SOCS7: variants seen among roughly 807,000 people sequenced by gnomAD.
SOCS7 encodes the protein suppressor of cytokine signaling 7.
Under a neutral mutation model 58.9 loss-of-function variants are expected in SOCS7, and 18 were observed. The ratio of observed to expected loss-of-function variants is 0.31; its 90% CI spans 0.21 to 0.45. SOCS7 has a LOEUF of 0.45. Among genes scored for constraint, SOCS7 ranks in the 20% least tolerant of loss-of-function variants. The pLI, the probability that SOCS7 is intolerant of heterozygous loss-of-function variation, is 1.00. For missense variants in SOCS7, 667 were observed against 837.3 expected (o/e 0.80, Z 2.51); for synonymous variants, 388 against 364.3 (o/e 1.06, Z -0.74).
rs200305110 is a variant in SOCS7 at position 38,366,354 on chromosome 17, C to G, written c.1320C>G (p.Leu440=). 1.8e-5 allele frequency: 29 copies of G among 1,614,206 alleles called. No individual in the cohort carries two copies. The highest frequency in any genetic ancestry group is 5.1e-6 in the Non-Finnish European group (6 of 1,180,038). ...TGCACAGCCAACCCCCACAGCACCT[C>G]CAGTGTCCCCTCTACCGGCCTGACT... ...ESLHSQPPQH[L]QCPLYRPDSS... is the part of the protein sequence containing the mutation. The change falls in exon 5 of 10, where the codon CTC becomes CTG. Residue 440 remains leucine (L), a synonymous_variant. Transcript: ENST00000612932.
chr17:38,362,278 T>G (rs2037730202), intron 2 of SOCS7, among the ~76,000 whole-genome samples: 1 of 152,234 alleles, frequency 6.6e-6, no homozygotes, highest in Non-Finnish European at 1.5e-5. Flanking sequence ...TTAGACTTCT[T>G]TATTGTATCT....
intron 7 of SOCS7, among the ~76,000 whole-genome samples, chr17:38,392,035 G>A (rs1238463481): frequency 2.0e-5 from 3 of 152,154 alleles, no homozygotes; most frequent in Non-Finnish European, 2.9e-5. Flanking sequence ...AGTTACTGAC[G>A]ATTAATGTTC....
intron 7 of SOCS7, among the ~76,000 whole-genome samples, chr17:38,382,077 C>G (rs2144369349): frequency 6.6e-6 from 1 of 151,778 alleles, no homozygotes; most frequent in East Asian, 1.9e-4. Flanking sequence ...CAAACATACC[C>G]TTTTTAATTG....
chr17:38,367,805 T>C (rs1472079299), intron 5 of SOCS7, 77 bp from the exon 6 acceptor site: 2 of 1,351,392 alleles, frequency 1.5e-6, no homozygotes, highest in Non-Finnish European at 2.1e-6. Context: ...GGTTCTCCCA[T>C]GTTAAGATAG....
At chr17:38,381,081 A>C (rs2037994890) in intron 7 of SOCS7, among the ~76,000 whole-genome samples, 1 of 152,036 alleles carries the variant, frequency 6.6e-6, no homozygotes, top group Admixed American at 6.6e-5. Context: ...ATCAGATTGA[A>C]AGTTTGCTGG....
chr17:38,386,649 T>TA (rs1424763787), intron 7 of SOCS7, among the ~76,000 whole-genome samples: 1 of 152,174 alleles, frequency 6.6e-6, no homozygotes, highest in Admixed American at 6.5e-5. Flanking sequence ...TGGAATAGTT[T>TA]TATAGAGACA....
intron 7 of SOCS7, among the ~76,000 whole-genome samples, chr17:38,392,079 T>G (rs1414986853): frequency 6.6e-6 from 1 of 152,188 alleles, no homozygotes; most frequent in African/African-American, 2.4e-5. Flanking sequence ...CCCAGTTGGG[T>G]CTTATCCTGG....
At chr17:38,394,754 T>G (rs1023512305) in intron 7 of SOCS7, among the ~76,000 whole-genome samples, 2 of 152,190 alleles carry the variant, frequency 1.3e-5, no homozygotes, top group African/African-American at 4.8e-5. Flanking sequence ...TCAGCTGTTA[T>G]GAGTGATGCT....
intron 5 of SOCS7, 138 bp downstream of exon 5, chr17:38,366,555 C>T: frequency 9.6e-7 from 1 of 1,044,932 alleles, no homozygotes; most frequent in South Asian, 1.5e-5. Context: ...GGTGTGGTGG[C>T]ATAATCATAG....
intron 7 of SOCS7, among the ~76,000 whole-genome samples, chr17:38,387,609 T>G (rs1249407685): frequency 6.4e-5 from 8 of 125,056 alleles, no homozygotes; most frequent in African/African-American, 2.5e-4. Context: ...ACACAATATA[T>G]TGTATATTAT....
chr17:38,379,091 G>A (rs41482244), intron 7 of SOCS7, among the ~76,000 whole-genome samples: 7,268 of 150,498 alleles, frequency 0.048, 198 homozygotes, highest in Middle Eastern at 0.21. Flanking sequence ...CTGGGAGGCA[G>A]AGGCTGCAAT....
intron 6 of SOCS7, among the ~76,000 whole-genome samples, chr17:38,375,349 C>A (rs923844926): frequency 6.6e-6 from 1 of 151,800 alleles, no homozygotes; most frequent in Admixed American, 6.6e-5. Flanking sequence ...TCCTCTTCCT[C>A]CTCAGTCTAT....
At position 38,352,866 on chromosome 17, in the gene SOCS7, G is replaced by C; in HGVS notation, c.814G>C (p.Gly272Arg). The C allele has an allele frequency of 6.3e-7, 1 of 1,591,682 alleles. No homozygotes were observed. Among genetic ancestry groups the C allele is most frequent in the Non-Finnish European group, 8.5e-7 (1 of 1,169,790 alleles). Residue 272 changes from glycine to arginine, a missense_variant, in exon 1 of 10, where the codon GGC becomes CGC. Physicochemically the swap from Gly to Arg is moderately radical, Grantham distance 125. Coordinates refer to ENST00000612932, the MANE Select transcript of SOCS7 (RefSeq NM_014598.4). The surrounding 1 kb of genome is among the most constrained non-coding windows in gnomAD (Gnocchi z 5.5). The part of the protein sequence containing the change: ...LRPLAGPSRK[G>R]SFKIRLSRLF... Reference sequence around the variant, plus strand: ...GCCACTCGCGGGTCCTTCTCGGAAGGGCTCCTTCAAAATCCGCCTCAGTCG... The same window carrying C: ...GCCACTCGCGGGTCCTTCTCGGAAGCGCTCCTTCAAAATCCGCCTCAGTCG...
At position 38,387,082 on chromosome 17, in the gene SOCS7, TAAAAAAAAA is replaced by T. The variant is rs1214323571; in HGVS notation, c.1682-8214_1682-8206del. ...GGGCGACAGAGCGAGACTCTTATCT[TAAAAAAAAA>T]AAAAAAAAAAAATATATATATATAT... On this transcript the variant is annotated intron_variant, in intron 7 of 9. Coordinates refer to ENST00000612932, the MANE Select transcript of SOCS7 (RefSeq NM_014598.4). Among the ~76,000 whole-genome samples the T allele has an allele frequency of 2.4e-3, 117 of 48,644 alleles. 2 individuals carry two copies. Among genetic ancestry groups the T allele is most frequent in the African/African-American group, 0.015 (111 of 7,178 alleles). The allele number at this position is 48,644 out of a possible 152,430, so 31.9% of individuals were successfully genotyped here.
intron 1 of SOCS7, among the ~76,000 whole-genome samples, chr17:38,353,628 G>A (rs973642283): frequency 6.6e-6 from 1 of 152,178 alleles, no homozygotes; most frequent in African/African-American, 2.4e-5. Flanking sequence ...AGCAGACCGG[G>A]CACAGTGGCT....
In SOCS7 at chr17:38,403,351, A is replaced by C. The variant is rs2038347832; in HGVS notation, c.*3869A>C. 6.6e-6 allele frequency: 1 copy of C among 152,236 alleles called. No homozygotes were observed. The highest frequency in any genetic ancestry group is 1.5e-5 in the Non-Finnish European group (1 of 68,126). 9.4% of individuals were successfully genotyped at this position (152,236 alleles called of 1,614,324 possible). A position where few individuals can be genotyped will look rare whatever the true frequency, so the allele number is the denominator to read the frequency against. ...CCTAGGTCTAGGGGTGAGAGGTGGGAGTAGAACCAGAAGTGCCCTGGAATC... is the reference window on the plus strand; with the variant it reads ...CCTAGGTCTAGGGGTGAGAGGTGGGCGTAGAACCAGAAGTGCCCTGGAATC... On this transcript the variant is annotated 3_prime_UTR_variant, in exon 10 of 10. Transcript: ENST00000612932.
chr17:38,365,206 C>G (rs948311239), intron 3 of SOCS7, 102 bp from the exon 4 acceptor site: 4 of 818,410 alleles, frequency 4.9e-6, no homozygotes, highest in Non-Finnish European at 5.8e-6. Context: ...GGCCATCCTG[C>G]CCCAGAGGGC....
intron 5 of SOCS7, among the ~76,000 whole-genome samples, chr17:38,367,115 A>C (rs2037800066): frequency 6.6e-6 from 1 of 152,078 alleles, no homozygotes; most frequent in African/African-American, 2.4e-5. Context: ...CCCAGGCTGG[A>C]GTGCAGTGGC....
At chr17:38,398,704 C>T (rs2038276902) in intron 9 of SOCS7, among the ~76,000 whole-genome samples, 1 of 152,132 alleles carries the variant, frequency 6.6e-6, no homozygotes, top group Non-Finnish European at 1.5e-5. Flanking sequence ...AGAGTAATGG[C>T]TAGAACAGTG....
Sources: gnomAD v4.1 joint callset for allele counts (sites outside exome capture counted in the v4.1 genomes callset) on GRCh38, gnomAD v4.1.1 for gene constraint, Gnocchi (gnomAD v3.1) non-coding constraint, MANE v1.5 for transcripts, NCBI Gene and HGNC (gene_info 2026-07-23, HGNC 2026-07-21) for gene names.